The following RASAL2 variants were observed in gnomAD, a reference collection of about 807,000 sequenced individuals.
RASAL2 encodes the protein ras GTPase-activating protein nGAP.
Under a neutral mutation model 128.9 loss-of-function variants are expected in RASAL2, and 58 were observed. That is an observed-to-expected ratio of 0.45 (90% confidence interval 0.36 to 0.56). The LOEUF (loss-of-function observed/expected upper bound fraction) is 0.56, where lower values mean the gene tolerates loss of function less well. Among genes scored for constraint, RASAL2 ranks in the 20% least tolerant of loss-of-function variants. The probability of loss-of-function intolerance (pLI) is 0.00; values close to 1 mark genes in which losing one functional copy is unlikely to be tolerated. For synonymous variants in RASAL2, 561 were observed against 580.8 expected (o/e 0.97, Z 0.49); for missense variants, 1,360 against 1,601.6 (o/e 0.85, Z 2.57).
rs781340865 is a variant in RASAL2, at chr1:178,238,657, C to CTA, written c.203-44897_203-44896dup. ...CACCTCAAGTACCTATTAGCAATCA[C>CTA]TATATATATATGTAAATAAAATTTT... On this transcript the variant is annotated intron_variant, in intron 1 of 17. Transcript: ENST00000367649. 9.2e-5 allele frequency among the ~76,000 whole-genome samples: 14 copies of CTA among 152,012 alleles called. No individual in the cohort carries two copies. The East Asian group carries it at 1.9e-3, about 21-fold the overall frequency.
chr1:178,099,402 T>A (rs1658808490), intron 1 of RASAL2, among the ~76,000 whole-genome samples: 1 of 152,242 alleles, frequency 6.6e-6, no homozygotes, highest in Non-Finnish European at 1.5e-5. Flanking sequence ...TGCCTAGGCA[T>A]GTACTGTTTA....
chr1:178,224,629 A>G (rs1663727329), intron 1 of RASAL2, among the ~76,000 whole-genome samples: 1 of 152,196 alleles, frequency 6.6e-6, no homozygotes, highest in African/African-American at 2.4e-5. Context: ...TCTAAGAGCT[A>G]TGTAGTCACT....
In RASAL2 at chr1:178,283,648, T is replaced by TCCTC; in HGVS notation, c.288_291dup (p.Thr98ProfsTer55). 1 of 1,613,852 alleles carries TCCTC rather than the reference T, an allele frequency of 6.2e-7. No homozygotes were observed. Among genetic ancestry groups the TCCTC allele is most frequent in the Non-Finnish European group, 8.5e-7 (1 of 1,179,910 alleles). ...ACAACGTGGGAGCGGAAGTATTGCATCCTCACAGACAGCCAGTTGGTATTG... is the reference window on the plus strand; with the variant it reads ...ACAACGTGGGAGCGGAAGTATTGCATCCTCCCTCACAGACAGCCAGTTGGTATTG... On this transcript the variant is annotated frameshift_variant, in exon 2 of 18. Coordinates refer to ENST00000367649, the MANE Select transcript of RASAL2 (RefSeq NM_170692.4). LOFTEE classifies it high-confidence loss of function.
At chr1:178,180,663 T>TCACACACACACACACACA (rs3979280) in intron 1 of RASAL2, among the ~76,000 whole-genome samples, 6,975 of 139,080 alleles carry the variant, frequency 0.05, 218 homozygotes, top group South Asian at 0.076. Flanking sequence ...CGAGACTGTC[T>TCACACACACACACACACA]CACACACACA....
intron 5 of RASAL2, among the ~76,000 whole-genome samples, chr1:178,428,379 A>G (rs1675662531): frequency 6.6e-6 from 1 of 151,782 alleles, no homozygotes; most frequent in South Asian, 2.1e-4. Context: ...AGGCTGTGCC[A>G]TTTTACATCC....
At chr1:178,253,629 G>A (rs1171874641) in intron 1 of RASAL2, among the ~76,000 whole-genome samples, 1 of 152,066 alleles carries the variant, frequency 6.6e-6, no homozygotes, top group Non-Finnish European at 1.5e-5. Flanking sequence ...TAAGATTTGG[G>A]TAGGTAAAGG....
intron 3 of RASAL2, among the ~76,000 whole-genome samples, chr1:178,311,253 A>ACACACACAC (rs1668232217): frequency 7.0e-6 from 1 of 143,600 alleles, no homozygotes; most frequent in African/African-American, 2.6e-5. Flanking sequence ...CACACACACA[A>ACACACACAC]ACACACACAC....
intron 1 of RASAL2, among the ~76,000 whole-genome samples, chr1:178,219,113 G>A (rs554055114): frequency 6.6e-6 from 1 of 152,348 alleles, no homozygotes; most frequent in South Asian, 2.1e-4. Flanking sequence ...ATGTTCTGGA[G>A]ATGGGTTATT....
At chr1:178,428,614 A>G (rs572965399) in intron 5 of RASAL2, among the ~76,000 whole-genome samples, 1 of 151,974 alleles carries the variant, frequency 6.6e-6, no homozygotes. Flanking sequence ...TTAAGAGACA[A>G]GGTCTTGCTC....
chr1:178,113,509 C>CGA (rs1424495542), intron 1 of RASAL2, among the ~76,000 whole-genome samples: 2 of 99,700 alleles, frequency 2.0e-5, no homozygotes, highest in Admixed American at 1.1e-4. Flanking sequence ...TGCATGCCTG[C>CGA]GAGTGTGTGT....
At chr1:178,238,638 A>C (rs974899723) in intron 1 of RASAL2, among the ~76,000 whole-genome samples, 25 of 152,058 alleles carry the variant, frequency 1.6e-4, no homozygotes, top group African/African-American at 5.3e-4. Flanking sequence ...TGATCACCTC[A>C]AGTACCTATT....
At chr1:178,345,181 A>G (rs1235227906) in intron 3 of RASAL2, among the ~76,000 whole-genome samples, 1 of 152,210 alleles carries the variant, frequency 6.6e-6, no homozygotes, top group African/African-American at 2.4e-5. Flanking sequence ...ATACGACTCT[A>G]TAGAACTCCA....
rs144430224 is a variant in RASAL2, at chr1:178,466,074, G to A, written c.3542G>A (p.Arg1181Gln). 118 of 1,579,706 alleles carry A rather than the reference G, an allele frequency of 7.5e-5. 1 individual carries two copies. The highest frequency in any genetic ancestry group is 6.6e-4 in the South Asian group (57 of 86,170). The change falls in exon 16 of 18, where the codon CGA (arginine) becomes CAA (glutamine). Residue 1181 changes from arginine to glutamine, a missense_variant. Arg to Gln is a conservative substitution (Grantham distance 43). Transcript: ENST00000367649. ...CTGGAGGACAGCGAGGAGCGGCTCC[G>A]AAGACAGCAGGAAGAAAAAGATAGC... ...ARLEDSEERL[R>Q]RQQEEKDSQM...
intron 1 of RASAL2, among the ~76,000 whole-genome samples, chr1:178,212,281 G>T (rs980979868): frequency 1.3e-5 from 2 of 152,116 alleles, no homozygotes; most frequent in Admixed American, 6.6e-5. Flanking sequence ...GAATTACAAA[G>T]AATTCCCAAA....
chr1:178,186,849 G>A (rs1202272943), intron 1 of RASAL2, among the ~76,000 whole-genome samples: 3 of 151,312 alleles, frequency 2.0e-5, no homozygotes, highest in Non-Finnish European at 2.9e-5. Context: ...GGGCAGGCAG[G>A]GTCTCTCTGT....
intron 3 of RASAL2, among the ~76,000 whole-genome samples, chr1:178,324,407 T>C (rs1204623809): frequency 6.6e-6 from 1 of 150,774 alleles, no homozygotes; most frequent in Non-Finnish European, 1.5e-5. Context: ...CAAGACTCGA[T>C]CTCTAGGAAA....
At chr1:178,337,385 G>A (rs1453465659) in intron 3 of RASAL2, among the ~76,000 whole-genome samples, 1 of 152,020 alleles carries the variant, frequency 6.6e-6, no homozygotes, top group Non-Finnish European at 1.5e-5. Context: ...TGAATAAGTG[G>A]GTGACTTTGG....
intron 1 of RASAL2, among the ~76,000 whole-genome samples, chr1:178,192,721 G>A (rs1294546739): frequency 6.6e-6 from 1 of 152,130 alleles, no homozygotes; most frequent in Non-Finnish European, 1.5e-5. Flanking sequence ...GTCTTCTTCA[G>A]TTTTTGATCT....
chr1:178,409,508 G>A (rs534756580), intron 4 of RASAL2, among the ~76,000 whole-genome samples: 2 of 152,310 alleles, frequency 1.3e-5, no homozygotes, highest in South Asian at 2.1e-4. Flanking sequence ...ATGAGCAGTG[G>A]TAAACATGCA....
Sources: allele counts gnomAD v4.1 joint callset (sites outside exome capture counted in the v4.1 genomes callset), GRCh38; gene constraint gnomAD v4.1.1; transcripts MANE v1.5; gene names NCBI Gene and HGNC (gene_info 2026-07-23, HGNC 2026-07-21).